Variants in NFIB observed in about 807,000 individuals in gnomAD.
The protein encoded by NFIB is nuclear factor I B.
Under a neutral mutation model 61.5 loss-of-function variants are expected in NFIB, and 11 were observed. That is an observed-to-expected ratio of 0.18 (90% CI 0.11 to 0.30). The LOEUF is 0.30. NFIB is among the 10% of genes least tolerant of loss of function. The pLI is 1.00. For missense variants in NFIB, 471 were observed against 608.9 expected (o/e 0.77, Z 2.38); for synonymous variants, 260 against 216.5 (o/e 1.20, Z -1.76).
rs71491636 is a variant in NFIB, at chr9:14,167,083, C to CGGGGGG, written c.617-11196_617-11191dup. On this transcript the variant is annotated intron_variant, in intron 3 of 10. Coordinates refer to ENST00000380953, the MANE Select transcript of NFIB (RefSeq NM_001190737.2). ...AGGGCATATTGTTGTGTGTGTGTGT[C>CGGGGGG]GGGGGGGGGGGGTTCCCCTTTTTAA... is the stretch of plus-strand genomic sequence containing the variant. Among the ~76,000 whole-genome samples the CGGGGGG allele has an allele frequency of 5.7e-5, 6 of 104,606 alleles. 3 individuals carry two copies. In the East Asian group the frequency reaches 1.3e-3, roughly 23 times the overall value. 68.6% of individuals were successfully genotyped at this position (104,606 alleles called of 152,430 possible).
the NFIB span, among the ~76,000 whole-genome samples, chr9:14,466,124 G>T: frequency 2.6e-5 from 4 of 152,134 alleles, no homozygotes; most frequent in Non-Finnish European, 5.9e-5. Flanking sequence ...CCTCACGGGT[G>T]TTCGGAGAGA....
At chr9:14,323,752 C>A (rs1295744167) in intron 1 of NFIB, among the ~76,000 whole-genome samples, 3 of 152,154 alleles carry the variant, frequency 2.0e-5, no homozygotes, top group Admixed American at 2.0e-4. Flanking sequence ...ACTTAAACGA[C>A]ATTGTTCGGG....
Position 14,217,660 on chromosome 9 carries a change from C to CAAAAAAAAAAAAAAA in NFIB, c.563-37895_563-37881dup, listed in dbSNP as rs34055171. On this transcript the variant is annotated intron_variant, in intron 2 of 10. Coordinates refer to ENST00000380953, the MANE Select transcript of NFIB (RefSeq NM_001190737.2). ...GGGCAACAAGAGTGAAACTCCATCT[C>CAAAAAAAAAAAAAAA]AAAAAAAAAAAAAAAAAAAAAGACA... Among the ~76,000 whole-genome samples the CAAAAAAAAAAAAAAA allele has an allele frequency of 3.9e-3, 314 of 81,446 alleles. 1 individual carries two copies. The highest frequency in any genetic ancestry group is 0.011 in the African/African-American group (217 of 20,212). The allele number at this position is 81,446 out of a possible 152,430, so 53.4% of individuals were successfully genotyped here.
chr9:14,131,116 T>A (rs566514919), intron 6 of NFIB, among the ~76,000 whole-genome samples: 23 of 152,284 alleles, frequency 1.5e-4, no homozygotes, highest in East Asian at 1.3e-3. Context: ...ATAATTTTTT[T>A]AAAAAGATTC....
chr9:14,221,579 A>C (rs2051681520), intron 2 of NFIB, among the ~76,000 whole-genome samples: 1 of 152,204 alleles, frequency 6.6e-6, no homozygotes, highest in Non-Finnish European at 1.5e-5. Context: ...CCTCAAGCTT[A>C]TCTGACTCCC....
chr9:14,460,368 C>T, the NFIB span, among the ~76,000 whole-genome samples: 62 of 127,302 alleles, frequency 4.9e-4, no homozygotes, highest in African/African-American at 9.9e-4. Context: ...GGGCCTGTTG[C>T]GGGGTGGGGG....
At chr9:14,473,752 C>T in the NFIB span, among the ~76,000 whole-genome samples, 3 of 152,152 alleles carry the variant, frequency 2.0e-5, no homozygotes, top group African/African-American at 4.8e-5. Context: ...ATGCACTTGC[C>T]TTTAATTGAT....
the NFIB span, among the ~76,000 whole-genome samples, chr9:14,439,495 T>C: frequency 6.6e-6 from 1 of 152,248 alleles, no homozygotes; most frequent in Non-Finnish European, 1.5e-5. Context: ...TGAATAAACA[T>C]ACAATGTGCT....
chr9:14,259,737 C>T (rs1199833813), intron 2 of NFIB, among the ~76,000 whole-genome samples: 2 of 151,412 alleles, frequency 1.3e-5, no homozygotes, highest in Non-Finnish European at 2.9e-5. Context: ...CCTGTCTCTA[C>T]TAAAAATACA....
At chr9:14,306,140 G>A in intron 2 of NFIB, 2 of 351,152 alleles carry the variant, frequency 5.7e-6, no homozygotes, top group Non-Finnish European at 9.9e-6. Flanking sequence ...CTCCTTCTCA[G>A]GTATTTTAAA....
chr9:14,389,536 C>G (rs2061594621), intron 1 of NFIB, among the ~76,000 whole-genome samples: 2 of 152,112 alleles, frequency 1.3e-5, no homozygotes, highest in African/African-American at 4.8e-5. Context: ...TAAAACGAAG[C>G]AGAAATTAAA....
At chr9:14,390,256 T>G (rs2061604005) in intron 1 of NFIB, among the ~76,000 whole-genome samples, 1 of 152,186 alleles carries the variant, frequency 6.6e-6, no homozygotes, top group Admixed American at 6.5e-5. Flanking sequence ...GGCATGACCT[T>G]GGGCAGATTA....
At chr9:14,502,025 T>C in the NFIB span, among the ~76,000 whole-genome samples, 1 of 152,190 alleles carries the variant, frequency 6.6e-6, no homozygotes, top group African/African-American at 2.4e-5. Flanking sequence ...GAAGTTTTGA[T>C]ATTAGATATT....
chr9:14,531,218 C>T, the NFIB span, among the ~76,000 whole-genome samples: 3 of 152,194 alleles, frequency 2.0e-5, no homozygotes, highest in African/African-American at 7.2e-5. Flanking sequence ...ACAGGATTCA[C>T]CAATATCCCT....
chr9:14,386,376 T>C (rs2061548940), intron 1 of NFIB, among the ~76,000 whole-genome samples: 1 of 152,178 alleles, frequency 6.6e-6, no homozygotes, highest in Non-Finnish European at 1.5e-5. Context: ...ATCAAGAAAC[T>C]CTGCCCCTAG....
At chr9:14,232,584 C>T (rs2053317551) in intron 2 of NFIB, among the ~76,000 whole-genome samples, 2 of 152,146 alleles carry the variant, frequency 1.3e-5, no homozygotes, top group African/African-American at 4.8e-5. Flanking sequence ...TAAAGGTTGC[C>T]AGGTGTGAGA....
chr9:14,091,244 G>A (rs529982899), intron 10 of NFIB, among the ~76,000 whole-genome samples: 136 of 151,310 alleles, frequency 9.0e-4, no homozygotes, highest in African/African-American at 3.0e-3. Flanking sequence ...GCTATTTTTG[G>A]TAGTCCTGTT....
chr9:14,399,756 G>A (rs1366606029), upstream of NFIB, among the ~76,000 whole-genome samples: 2 of 152,160 alleles, frequency 1.3e-5, no homozygotes, highest in African/African-American at 4.8e-5. Flanking sequence ...AATATTCAGT[G>A]AGAGTTGTTT....
At chr9:14,230,763 C>T (rs879944933) in intron 2 of NFIB, among the ~76,000 whole-genome samples, 52 of 151,924 alleles carry the variant, frequency 3.4e-4, no homozygotes, top group Admixed American at 1.0e-3. Context: ...GCAGAAGTTC[C>T]AGAGAGAAAA....
Sources: gnomAD v4.1 joint callset for allele counts (sites outside exome capture counted in the v4.1 genomes callset) on GRCh38, gnomAD v4.1.1 for gene constraint, MANE v1.5 for transcripts, NCBI Gene and HGNC (gene_info 2026-07-23, HGNC 2026-07-21) for gene names.